ERICH6: variants seen among roughly 807,000 people sequenced by gnomAD.
ERICH6 encodes glutamate rich 6.
A neutral mutation model predicts 71.0 loss-of-function variants in ERICH6; 71 were observed. The ratio of observed to expected loss-of-function variants is 1.00; its 90% CI spans 0.83 to 1.22. The LOEUF (loss-of-function observed/expected upper bound fraction) is 1.22, where lower values mean the gene tolerates loss of function less well. ERICH6 is among the 50% of genes most tolerant of loss of function. The pLI is 0.00. For synonymous variants in ERICH6, 262 were observed against 278.4 expected (o/e 0.94, Z 0.59); for missense variants, 808 against 797.2 (o/e 1.01, Z -0.16).
At chr3:150,699,658 AAAAT>A (rs1712784562) in intron 2 of ERICH6, among the ~76,000 whole-genome samples, 1 of 152,148 alleles carries the variant, frequency 6.6e-6, no homozygotes, top group Admixed American at 6.5e-5. Context: ...TTTGAAAGGA[AAAAT>A]AATACGAAGA....
chr3:150,664,756 G>A (rs1433874969), intron 13 of ERICH6, among the ~76,000 whole-genome samples: 1 of 151,704 alleles, frequency 6.6e-6, no homozygotes, highest in African/African-American at 2.4e-5. Context: ...AATAGAAGAA[G>A]AAATAAAGGG....
Position 150,672,264 on chromosome 3 carries a change from C to CATATATATATATATATATATATAT in ERICH6, c.1343+1691_1343+1692insATATATATATATATATATATATAT, listed in dbSNP as rs57492414. On this transcript the variant is annotated intron_variant, in intron 11 of 13. Coordinates refer to ENST00000295910, the MANE Select transcript of ERICH6 (RefSeq NM_152394.5). ...TAAACAAAGAATCCATTTATATATA[C>CATATATATATATATATATATATAT]ATATATATATATATGCTCATACACA... Among the ~76,000 whole-genome samples, 579 of 123,540 alleles carry CATATATATATATATATATATATAT rather than the reference C, an allele frequency of 4.7e-3. 26 individuals are homozygous for CATATATATATATATATATATATAT. Among genetic ancestry groups the CATATATATATATATATATATATAT allele is most frequent in the African/African-American group, 0.015 (478 of 30,970 alleles). 81.0% of individuals were successfully genotyped at this position (123,540 alleles called of 152,430 possible). A position where few individuals can be genotyped will look rare whatever the true frequency, so the allele number is the denominator to read the frequency against.
In ERICH6 at chr3:150,673,916, G is replaced by A. The variant is rs745717882; in HGVS notation, c.1343+40C>T. The A allele has an allele frequency of 3.8e-6, 6 of 1,573,644 alleles. No homozygotes were observed. The East Asian group carries it at 1.3e-4, about 35-fold the overall frequency. ...TTCCTTGAGCTTTCTTTTTTTTGAA[G>A]TAATAAAGCTAATAAAAATAACTTG... On this transcript the variant is annotated intron_variant, in intron 11 of 13. Coordinates refer to ENST00000295910, the MANE Select transcript of ERICH6 (RefSeq NM_152394.5).
intron 9 of ERICH6, 126 bp from the exon 10 acceptor site, chr3:150,678,680 T>A: frequency 1.4e-6 from 1 of 733,418 alleles, no homozygotes. Flanking sequence ...ATATTCAAAT[T>A]TTTCATCATC....
At chr3:150,680,291 C>T (rs1711849666) in intron 9 of ERICH6, among the ~76,000 whole-genome samples, 177 bp downstream of exon 9, 1 of 152,170 alleles carries the variant, frequency 6.6e-6, no homozygotes, top group African/African-American at 2.4e-5. Flanking sequence ...TGGTCTCAAA[C>T]TTCTGGGCTC....
At position 150,682,460 on chromosome 3, in the gene ERICH6, A is replaced by C. The variant is rs116132044; in HGVS notation, c.784-144T>G. 4,197 of 617,682 alleles carry C rather than the reference A, an allele frequency of 6.8e-3. 133 individuals carry two copies. In the African/African-American group the frequency reaches 0.069, roughly 10 times the overall value. 38.3% of individuals were successfully genotyped at this position (617,682 alleles called of 1,614,324 possible). On this transcript the variant is annotated intron_variant, in intron 6 of 13. Coordinates refer to ENST00000295910, the MANE Select transcript of ERICH6 (RefSeq NM_152394.5). ...TGTGCCAGTAAGTGATATCACTTCC[A>C]TTTAAGGGCTGGTGAGGCTTCAGGA...
At chr3:150,700,430 T>C (rs890442655) in intron 2 of ERICH6, among the ~76,000 whole-genome samples, 7 of 151,718 alleles carry the variant, frequency 4.6e-5, no homozygotes, top group African/African-American at 9.7e-5. Flanking sequence ...GTGAGACCTA[T>C]ATAAAAAATT....
At position 150,686,039 on chromosome 3, in the gene ERICH6, A is replaced by T. The variant is rs1487404573; in HGVS notation, c.611-18T>A. 6.3e-7 allele frequency: 1 copy of T among 1,582,098 alleles called. No individual in the cohort carries two copies. The highest frequency in any genetic ancestry group is 1.1e-5 in the South Asian group (1 of 90,370). On this transcript the variant is annotated intron_variant, in intron 4 of 13. Coordinates refer to ENST00000295910, the MANE Select transcript of ERICH6 (RefSeq NM_152394.5). ...CCATTTTTCTGGAGAGAAAGAATAG[A>T]TTCATAAGAAATGTTTAAAGCCTTT... is the stretch of plus-strand genomic sequence containing the variant.
Position 150,703,825 on chromosome 3 carries a change from A to AACTCCTCCTCTG in ERICH6, c.62_73dup (p.Ser21_Glu24dup). On this transcript the variant is annotated inframe_insertion, in exon 1 of 14. Transcript: ENST00000295910. ...CTCTTCCTCCTCCTCCTCCTCCTCT[A>AACTCCTCCTCTG]ACTCCTCCTCTGACTCCTTCTGGTC... 7.0e-7 allele frequency: 1 copy of AACTCCTCCTCTG among 1,437,346 alleles called. No individual in the cohort carries two copies. The highest frequency in any genetic ancestry group is 9.2e-7 in the Non-Finnish European group (1 of 1,086,384). The allele number at this position is 1,437,346 out of a possible 1,614,324, so 89.0% of individuals were successfully genotyped here.
chr3:150,677,972 G>C (rs965176220), intron 10 of ERICH6, among the ~76,000 whole-genome samples: 8 of 152,138 alleles, frequency 5.3e-5, no homozygotes, highest in Non-Finnish European at 1.2e-4. Context: ...GTAGCCATTA[G>C]TTACATGTAG....
chr3:150,681,464 T>C (rs552022964), intron 7 of ERICH6, among the ~76,000 whole-genome samples: 1 of 152,368 alleles, frequency 6.6e-6, no homozygotes, highest in African/African-American at 2.4e-5. Flanking sequence ...ACAGTCGGGT[T>C]GTTTCTATAT....
intron 10 of ERICH6, among the ~76,000 whole-genome samples, chr3:150,674,412 T>C (rs1711572165): frequency 6.6e-6 from 1 of 152,202 alleles, no homozygotes; most frequent in Non-Finnish European, 1.5e-5. Flanking sequence ...CATGAGTCTG[T>C]TTCTGAACTC....
chr3:150,660,136 A>C lies in ERICH6; in HGVS notation c.1748T>G (p.Ile583Ser). The C allele has an allele frequency of 6.2e-7, 1 of 1,613,954 alleles. No homozygotes were observed. Among genetic ancestry groups the C allele is most frequent in the Non-Finnish European group, 8.5e-7 (1 of 1,179,912 alleles). The part of the protein sequence containing the change: ...TKVKLPNPEE[I>S]PILRYVSGDD... ...TCCACTTACGTATCGGAGGATTGGA[A>C]TCTCCTCAGGGTTTGGTAGCTTTTC... The change falls in exon 14 of 14, where the codon ATT (isoleucine) becomes AGT (serine). Residue 583 changes from isoleucine to serine, a missense_variant. Coordinates refer to ENST00000295910, the MANE Select transcript of ERICH6 (RefSeq NM_152394.5).
rs1266625328 is a variant in ERICH6, at chr3:150,703,600, C to T, written c.299G>A (p.Ser100Asn). ...DFPDVRPRLA[S>N]IVSPSLTSTF... Reference sequence around the variant, plus strand: ...AGAGGTCAGGCTAGGGCTGACGATGCTGGCTAAGCGGGGGCGCACGTCTGG... The same window carrying T: ...AGAGGTCAGGCTAGGGCTGACGATGTTGGCTAAGCGGGGGCGCACGTCTGG... Residue 100 changes from serine to asparagine, a missense_variant, in exon 1 of 14, where the codon AGC becomes AAC. By Grantham distance (46) the Ser-to-Asn change is conservative (BLOSUM62 1). This residue lies in a region of ERICH6 where 736 missense variants were observed against 712.2 expected (regional missense o/e 1.03). Transcript: ENST00000295910. 1 of 1,614,018 alleles carries T rather than the reference C, an allele frequency of 6.2e-7. No homozygotes were observed.
At chr3:150,662,067 AT>A (rs1332495854) in intron 13 of ERICH6, among the ~76,000 whole-genome samples, 3 of 152,238 alleles carry the variant, frequency 2.0e-5, no homozygotes, top group Non-Finnish European at 2.9e-5. Flanking sequence ...TTAACATCAG[AT>A]GGAATAGCAC....
At chr3:150,693,519 T>C (rs970657475) in intron 3 of ERICH6, among the ~76,000 whole-genome samples, 4 of 152,216 alleles carry the variant, frequency 2.6e-5, no homozygotes, top group Non-Finnish European at 5.9e-5. Flanking sequence ...TATTTGATGG[T>C]ACAAATCAAT....
chr3:150,702,244 C>A, intron 1 of ERICH6, 66 bp from the exon 2 acceptor site: 2 of 899,876 alleles, frequency 2.2e-6, no homozygotes, highest in African/African-American at 1.7e-5. Flanking sequence ...CTACCCCCCC[C>A]AGGAACACAT....
intron 3 of ERICH6, among the ~76,000 whole-genome samples, chr3:150,698,339 G>A (rs73869266): frequency 0.16 from 23,946 of 151,910 alleles, 2,062 homozygotes; most frequent in East Asian, 0.34. Context: ...GTAAGCAGTC[G>A]ATGAATAAAT....
In ERICH6 at chr3:150,677,503, T is replaced by A. The variant is rs569456588; in HGVS notation, c.1257+906A>T. On this transcript the variant is annotated intron_variant, in intron 10 of 13. Coordinates refer to ENST00000295910, the MANE Select transcript of ERICH6 (RefSeq NM_152394.5). The stretch of plus-strand genomic sequence containing the variant: ...ACTATATAATATCATGAAAAAAAAA[T>A]TTTTTTTTTTTGAGACAGAGTTTTG... 1.3e-3 allele frequency among the ~76,000 whole-genome samples: 181 copies of A among 140,972 alleles called. 1 individual carries two copies. Among genetic ancestry groups the A allele is most frequent in the African/African-American group, 4.2e-3 (146 of 34,356 alleles). 92.5% of individuals were successfully genotyped at this position (140,972 alleles called of 152,430 possible). A position where few individuals can be genotyped will look rare whatever the true frequency, so the allele number is the denominator to read the frequency against.
Sources: gnomAD v4.1 joint callset for allele counts (sites outside exome capture counted in the v4.1 genomes callset) on GRCh38, gnomAD v4.1.1 for gene constraint, gnomAD v4.1.1 regional missense constraint, MANE v1.5 for transcripts, NCBI Gene and HGNC (gene_info 2026-07-23, HGNC 2026-07-21) for gene names.